TICRR: variants seen among roughly 807,000 people sequenced by gnomAD.
TICRR encodes the protein TOPBP1 interacting checkpoint and replication regulator, also known as treslin.
Under a neutral mutation model 178.1 loss-of-function variants are expected in TICRR, and 132 were observed. That is an observed-to-expected ratio of 0.74 (90% CI 0.64 to 0.86). The LOEUF is 0.86. Among genes scored for constraint, TICRR ranks in the 40% least tolerant of loss-of-function variants. The probability of loss-of-function intolerance (pLI) is 0.00; values close to 1 mark genes in which losing one functional copy is unlikely to be tolerated. For missense variants in TICRR, 2,587 were observed against 2,334.3 expected (o/e 1.11, Z -2.23); for synonymous variants, 991 against 900.7 (o/e 1.10, Z -1.79).
At position 89,575,832 on chromosome 15, in the gene TICRR, C is replaced by T. The variant is rs886840128; in HGVS notation, c.246C>T (p.Ala82=). The change falls in exon 1 of 22, where the codon GCC becomes GCT. Residue 82 remains alanine (A), a synonymous_variant. Transcript: ENST00000268138. ...AGGACTTTGAGGAGGAGCTGGAGGC[C>T]AGGCTCGAGGATCGCGCCCACCTGC... ...SWEDFEEELE[A]RLEDRAHLPG... 2 of 1,594,844 alleles carry T rather than the reference C, an allele frequency of 1.3e-6. No individual in the cohort carries two copies. Among genetic ancestry groups the T allele is most frequent in the Non-Finnish European group, 1.7e-6 (2 of 1,172,662 alleles).
Position 89,592,037 on chromosome 15 carries a change from G to T in TICRR, c.1412-10G>T, listed in dbSNP as rs766739652. The T allele has an allele frequency of 1.6e-5, 25 of 1,600,094 alleles. No homozygotes were observed. The highest frequency in any genetic ancestry group is 2.1e-5 in the Non-Finnish European group (25 of 1,169,738). Reference sequence around the variant, plus strand: ...TTTCCTCTCCTGCCGCTGCTCCTTTGCTCCAATAGCTTCTCCTGTTCCAGA... The same window carrying T: ...TTTCCTCTCCTGCCGCTGCTCCTTTTCTCCAATAGCTTCTCCTGTTCCAGA... On this transcript the variant is annotated splice_polypyrimidine_tract_variant and intron_variant, in intron 4 of 21. Coordinates refer to ENST00000268138, the MANE Select transcript of TICRR (RefSeq NM_152259.4).
chr15:89,614,413 TC>T (rs1352763113), intron 15 of TICRR, among the ~76,000 whole-genome samples: 1 of 151,772 alleles, frequency 6.6e-6, no homozygotes, highest in Non-Finnish European at 1.5e-5. Flanking sequence ...CTCCCTGACT[TC>T]CTGGCTTAAG....
At chr15:89,622,081 G>A (rs1386081311) in intron 19 of TICRR, among the ~76,000 whole-genome samples, 1 of 140,062 alleles carries the variant, frequency 7.1e-6, no homozygotes, top group African/African-American at 2.7e-5. Flanking sequence ...CTGCCTCCCA[G>A]TTCAAGCGAT....
chr15:89,599,278 C>T, intron 7 of TICRR, 46 bp from the exon 8 acceptor site: 3 of 1,491,238 alleles, frequency 2.0e-6, no homozygotes, highest in South Asian at 1.3e-5. Flanking sequence ...AATACAAGGA[C>T]TTGAGCAAGA....
intron 7 of TICRR, among the ~76,000 whole-genome samples, chr15:89,596,865 TTAAG>T (rs1963006535): frequency 6.6e-6 from 1 of 152,240 alleles, no homozygotes; most frequent in Non-Finnish European, 1.5e-5. Context: ...CATTTTCTCT[TTAAG>T]TATAACTAAC....
chr15:89,620,173 T>A (rs1596057720), intron 18 of TICRR, among the ~76,000 whole-genome samples: 2 of 152,236 alleles, frequency 1.3e-5, no homozygotes, highest in South Asian at 4.1e-4. Context: ...TCTTCATTCT[T>A]CTATCCATGG....
intron 3 of TICRR, 117 bp downstream of exon 3, chr15:89,584,644 G>A: frequency 1.9e-6 from 2 of 1,065,368 alleles, no homozygotes. Context: ...TTATGCTTTT[G>A]CAAATAATAT....
chr15:89,582,569 T>C, intron 1 of TICRR, 117 bp from the exon 2 acceptor site: 1 of 918,742 alleles, frequency 1.1e-6, no homozygotes, highest in South Asian at 1.7e-5. Context: ...AATACATTGG[T>C]TGTGTAATTC....
chr15:89,623,274 G>A (rs994214786), intron 19 of TICRR, among the ~76,000 whole-genome samples: 2 of 152,228 alleles, frequency 1.3e-5, no homozygotes. Flanking sequence ...TTTAGGCAAA[G>A]ATCAGAAATA....
intron 4 of TICRR, 181 bp from the exon 5 acceptor site, chr15:89,591,866 A>G: frequency 2.2e-6 from 1 of 446,898 alleles, no homozygotes; most frequent in East Asian, 3.1e-5. Flanking sequence ...TTTCAGTAGC[A>G]TTTTTTATTT....
intron 19 of TICRR, among the ~76,000 whole-genome samples, chr15:89,622,829 G>A (rs1013456333): frequency 6.6e-6 from 1 of 152,154 alleles, no homozygotes; most frequent in Non-Finnish European, 1.5e-5. Context: ...CTTTTCCTGT[G>A]TTTGCCTTCC....
Position 89,575,811 on chromosome 15 carries a change from C to G in TICRR, c.225C>G (p.Asp75Glu), listed in dbSNP as rs1346270963. The G allele has an allele frequency of 1.2e-6, 2 of 1,603,066 alleles. No individual in the cohort carries two copies. Among genetic ancestry groups the G allele is most frequent in the Non-Finnish European group, 1.7e-6 (2 of 1,176,240 alleles). The change falls in exon 1 of 22, where the codon GAC becomes GAG. Residue 75 changes from aspartate (D) to glutamate (E), a missense_variant. Asp to Glu is a conservative substitution (Grantham distance 45). Transcript: ENST00000268138. ...FRELGSRSWE[D>E]FEEELEARLE... The stretch of plus-strand genomic sequence containing the variant: ...AGCTGGGGTCCCGCTCGTGGGAGGA[C>G]TTTGAGGAGGAGCTGGAGGCCAGGC...
At chr15:89,594,057 T>C (rs149762610) in intron 5 of TICRR, among the ~76,000 whole-genome samples, 199 of 152,358 alleles carry the variant, frequency 1.3e-3, no homozygotes, top group African/African-American at 4.4e-3. Context: ...TGTGTTAACA[T>C]CATTTTGTAC....
chr15:89,594,590 T>C, intron 6 of TICRR, 36 bp downstream of exon 6: 2 of 1,488,628 alleles, frequency 1.3e-6, no homozygotes, highest in Non-Finnish European at 1.8e-6. Flanking sequence ...TAAGGCATTC[T>C]TTTTTGAGAC....
chr15:89,584,589 G>T, intron 3 of TICRR, 62 bp downstream of exon 3: 1 of 1,475,764 alleles, frequency 6.8e-7, no homozygotes, highest in South Asian at 1.5e-5. Context: ...AGTGAAATAA[G>T]TGTGTTTATA....
At position 89,584,474 on chromosome 15, in the gene TICRR, A is replaced by C. The variant is rs752496317; in HGVS notation, c.1123A>C (p.Arg375=). 3 of 1,605,428 alleles carry C rather than the reference A, an allele frequency of 1.9e-6. No individual in the cohort carries two copies. The highest frequency in any genetic ancestry group is 2.2e-5 in the South Asian group (2 of 90,150). The change falls in exon 3 of 22, where the codon AGG becomes CGG. Residue 375 remains arginine, a synonymous_variant. Transcript: ENST00000268138. ...TCCAGAGGAGAGCACAGCAACTCAAAGGCTGTTATTTCAGCAGTTGGTAAG... is the reference window on the plus strand; with the variant it reads ...TCCAGAGGAGAGCACAGCAACTCAACGGCTGTTATTTCAGCAGTTGGTAAG... ...GSPEESTATQ[R]LLFQQLVSRL...
intron 15 of TICRR, among the ~76,000 whole-genome samples, chr15:89,614,842 A>G (rs531381458): frequency 1.1e-4 from 16 of 152,324 alleles, no homozygotes; most frequent in South Asian, 8.3e-4. Flanking sequence ...CCTGGAACCC[A>G]TAAGTTTCAC....
intron 9 of TICRR, 106 bp from the exon 10 acceptor site, chr15:89,601,192 C>A (rs771004859): frequency 5.7e-6 from 5 of 884,056 alleles, no homozygotes; most frequent in Non-Finnish European, 6.9e-6. Flanking sequence ...TGGCTCTCCT[C>A]CTTTTTGGTT....
chr15:89,579,030 T>C (rs999016477), intron 1 of TICRR, among the ~76,000 whole-genome samples: 2 of 152,124 alleles, frequency 1.3e-5, no homozygotes, highest in East Asian at 1.9e-4. Context: ...TGCACTTACA[T>C]TGGAGGCAGA....
Sources: gnomAD v4.1 joint callset for allele counts (sites outside exome capture counted in the v4.1 genomes callset) on GRCh38, gnomAD v4.1.1 for gene constraint, MANE v1.5 for transcripts, NCBI Gene and HGNC (gene_info 2026-07-23, HGNC 2026-07-21) for gene names.